Variants in CSMD1 observed in about 807,000 individuals in gnomAD.
CSMD1 encodes the protein CUB and Sushi multiple domains 1.
Under a neutral mutation model 417.5 loss-of-function variants are expected in CSMD1, and 213 were observed. The ratio of observed to expected loss-of-function variants is 0.51; its 90% CI spans 0.46 to 0.57. CSMD1 has a LOEUF of 0.57. Ranked by LOEUF, CSMD1 falls within the 20% of genes least tolerant of loss-of-function variation. The pLI, the probability that CSMD1 is intolerant of heterozygous loss-of-function variation, is 0.00. For missense variants in CSMD1, 6,923 were observed against 4,529.7 expected, an observed-to-expected ratio of 1.53 and a Z score of -15.17; for synonymous variants, 2,862 against 1,736.8, an observed-to-expected ratio of 1.65 and a Z score of -16.11.
At chr8:3,108,889 A>T in intron 43 of CSMD1, 141 bp from the exon 44 acceptor site, 1 of 836,228 alleles carries the variant, frequency 1.2e-6, no homozygotes, top group African/African-American at 1.7e-5. Context: ...TGTAAACATC[A>T]AGATGTTGAA....
intron 7 of CSMD1, among the ~76,000 whole-genome samples, chr8:3,686,655 A>G (rs1263727997): frequency 6.6e-6 from 1 of 152,188 alleles, no homozygotes; most frequent in African/African-American, 2.4e-5. Context: ...AAACCTTGCT[A>G]CACTAACACT....
rs545585754 is a variant in CSMD1, at chr8:3,716,989, T to C, written c.932-8498A>G. Among the ~76,000 whole-genome samples, 50 of 152,216 alleles carry C rather than the reference T, an allele frequency of 3.3e-4. No homozygotes were observed. The Middle Eastern group carries it at 0.01, about 31-fold the overall frequency. On this transcript the variant is annotated intron_variant, in intron 6 of 69. Coordinates refer to ENST00000635120, the MANE Select transcript of CSMD1 (RefSeq NM_033225.6). ...CAATCATTTACAAAAAAATAAAAAA[T>C]TGAGGTACAAAGAACTTAAAAAATA...
At chr8:3,478,105 G>A (rs1403798922) in intron 11 of CSMD1, among the ~76,000 whole-genome samples, 2 of 152,192 alleles carry the variant, frequency 1.3e-5, no homozygotes, top group Non-Finnish European at 2.9e-5. Flanking sequence ...TTTGACTCAT[G>A]CACACGCCTC....
At chr8:4,328,230 G>A (rs1799666305) in intron 3 of CSMD1, among the ~76,000 whole-genome samples, 1 of 144,168 alleles carries the variant, frequency 6.9e-6, no homozygotes. Flanking sequence ...CAATTACATT[G>A]CACTCAATAC....
chr8:4,780,510 G>C (rs904188363), intron 1 of CSMD1, among the ~76,000 whole-genome samples: 2 of 152,120 alleles, frequency 1.3e-5, no homozygotes, highest in Non-Finnish European at 2.9e-5. Context: ...CTGAAGAAAA[G>C]AGAAACGAAC....
chr8:3,726,716 C>A (rs369193897), intron 6 of CSMD1, among the ~76,000 whole-genome samples: 2 of 152,094 alleles, frequency 1.3e-5, no homozygotes, highest in Non-Finnish European at 2.9e-5. Context: ...TACCTATGGG[C>A]CCTTGAATAC....
chr8:4,355,836 C>G (rs552509336), intron 3 of CSMD1, among the ~76,000 whole-genome samples: 1 of 152,192 alleles, frequency 6.6e-6, no homozygotes, highest in Non-Finnish European at 1.5e-5. Context: ...AGATTCCAGG[C>G]CGAAAGTAGA....
intron 3 of CSMD1, among the ~76,000 whole-genome samples, chr8:4,269,345 T>A (rs1804426205): frequency 6.6e-6 from 1 of 152,156 alleles, no homozygotes. Context: ...GGATTACAGG[T>A]GTGAGCCACT....
At chr8:4,940,721 C>T (rs988624175) in intron 1 of CSMD1, among the ~76,000 whole-genome samples, 2 of 152,142 alleles carry the variant, frequency 1.3e-5, no homozygotes, top group Non-Finnish European at 2.9e-5. Context: ...GCATGTTTTG[C>T]TCACAAATCT....
At chr8:3,262,184 A>AAAATATATATATATATAT (rs1420684024) in intron 26 of CSMD1, among the ~76,000 whole-genome samples, 1 of 63,172 alleles carries the variant, frequency 1.6e-5, no homozygotes, top group African/African-American at 7.1e-5. Flanking sequence ...TGCTCATATG[A>AAAATATATATATATATAT]ATATATATAT....
At chr8:4,135,073 T>G (rs2552165) in intron 3 of CSMD1, among the ~76,000 whole-genome samples, 2 of 151,998 alleles carry the variant, frequency 1.3e-5, no homozygotes, top group African/African-American at 2.4e-5. Flanking sequence ...TGAGTTCACA[T>G]AGAATGAAAA....
chr8:3,104,986 G>A (rs909513357), intron 46 of CSMD1, among the ~76,000 whole-genome samples: 2 of 152,116 alleles, frequency 1.3e-5, no homozygotes, highest in Admixed American at 6.5e-5. Context: ...GATTACAGGC[G>A]TGCGCCACCG....
intron 3 of CSMD1, among the ~76,000 whole-genome samples, chr8:4,143,306 T>G (rs1196266378): frequency 6.6e-6 from 1 of 150,902 alleles, no homozygotes; most frequent in Non-Finnish European, 1.5e-5. Context: ...TTTGTAGTAT[T>G]GCTTTTTATT....
At chr8:3,540,166 G>A (rs1037697875) in intron 10 of CSMD1, among the ~76,000 whole-genome samples, 2 of 152,090 alleles carry the variant, frequency 1.3e-5, no homozygotes, top group African/African-American at 2.4e-5. Flanking sequence ...GTGTAACACA[G>A]TGACAGTTTA....
At chr8:4,552,902 G>C (rs893753490) in intron 2 of CSMD1, among the ~76,000 whole-genome samples, 1 of 152,164 alleles carries the variant, frequency 6.6e-6, no homozygotes, top group African/African-American at 2.4e-5. Flanking sequence ...CTAGGAACAG[G>C]TGAGATGGCA....
chr8:3,844,626 G>T (rs1312729141), intron 5 of CSMD1, among the ~76,000 whole-genome samples: 1 of 152,134 alleles, frequency 6.6e-6, no homozygotes, highest in African/African-American at 2.4e-5. Context: ...ATCTGCAGAT[G>T]GAAGGAGAAC....
intron 5 of CSMD1, among the ~76,000 whole-genome samples, chr8:3,885,023 T>C (rs1041213123): frequency 1.6e-4 from 25 of 151,840 alleles, no homozygotes; most frequent in African/African-American, 5.3e-4. Flanking sequence ...CTGAAATAAA[T>C]GTACCTAGTT....
intron 1 of CSMD1, among the ~76,000 whole-genome samples, chr8:4,853,571 G>A (rs1407953853): frequency 6.6e-6 from 1 of 152,194 alleles, no homozygotes; most frequent in Non-Finnish European, 1.5e-5. Flanking sequence ...TGCCACAAAG[G>A]TAGAGTCCCA....
chr8:3,780,037 C>T (rs1168723042), intron 5 of CSMD1, among the ~76,000 whole-genome samples: 1 of 152,206 alleles, frequency 6.6e-6, no homozygotes, highest in East Asian at 1.9e-4. Context: ...TCACACTCTA[C>T]TTCTACTTTT....
Sources: allele counts gnomAD v4.1 joint callset (sites outside exome capture counted in the v4.1 genomes callset), GRCh38; gene constraint gnomAD v4.1.1; transcripts MANE v1.5; gene names NCBI Gene and HGNC (gene_info 2026-07-23, HGNC 2026-07-21).